The following RELN variants were observed in gnomAD, a reference collection of about 807,000 sequenced individuals.
RELN encodes the protein reelin.
Under a neutral mutation model 427.6 loss-of-function variants are expected in RELN, and 108 were observed. The observed-to-expected ratio is 0.25, with a 90% CI of 0.22 to 0.30. The LOEUF (loss-of-function observed/expected upper bound fraction) is 0.30, where lower values mean the gene tolerates loss of function less well. Among genes scored for constraint, RELN ranks in the 10% least tolerant of loss-of-function variants. The pLI, the probability that RELN is intolerant of heterozygous loss-of-function variation, is 1.00. For synonymous variants in RELN, 1,524 were observed against 1,513.4 expected, an observed-to-expected ratio of 1.01 and a Z score of -0.16; for missense variants, 3,715 against 4,302.8, an observed-to-expected ratio of 0.86 and a Z score of 3.82.
intron 9 of RELN, among the ~76,000 whole-genome samples, chr7:103,700,373 T>A (rs1050613322): frequency 6.6e-6 from 1 of 152,156 alleles, no homozygotes; most frequent in Non-Finnish European, 1.5e-5. Context: ...TGAGGGATAT[T>A]TTTTAATAAA....
At chr7:103,845,473 A>G (rs1418927679) in intron 2 of RELN, among the ~76,000 whole-genome samples, 1 of 152,186 alleles carries the variant, frequency 6.6e-6, no homozygotes. Flanking sequence ...GAGCCAAGGC[A>G]CCCGACCCAC....
Position 103,780,168 on chromosome 7 carries a change from C to T in RELN, c.474-3541G>A, listed in dbSNP as rs553751005. Among the ~76,000 whole-genome samples the T allele has an allele frequency of 1.1e-4, 17 of 152,340 alleles. No homozygotes were observed. The South Asian group carries it at 3.5e-3, about 32-fold the overall frequency. On this transcript the variant is annotated intron_variant, in intron 3 of 64. Coordinates refer to ENST00000428762, the MANE Select transcript of RELN (RefSeq NM_005045.4). Reference sequence around the variant, plus strand: ...AACTCTGGCCTCTTGGCCAGCAACTCCTTGCACTTTGTCTTTGAAAATACC... The same window carrying T: ...AACTCTGGCCTCTTGGCCAGCAACTTCTTGCACTTTGTCTTTGAAAATACC...
chr7:103,603,589 G>C lies in RELN; in HGVS notation c.3147-99C>G. On this transcript the variant is annotated intron_variant, in intron 23 of 64. Transcript: ENST00000428762. This position sits in a 1 kb window ranked among gnomAD's most constrained non-coding sequence, Gnocchi z 4.3. The stretch of plus-strand genomic sequence containing the variant: ...TTTCCCATGTCTTACTTTTGCTCAG[G>C]TCTTATCATTCACACTAGATTCTTC... 1 of 921,414 alleles carries C rather than the reference G, an allele frequency of 1.1e-6. No individual in the cohort carries two copies. The highest frequency in any genetic ancestry group is 1.8e-6 in the Non-Finnish European group (1 of 560,786). The allele number at this position is 921,414 out of a possible 1,614,324, so 57.1% of individuals were successfully genotyped here. A position where few individuals can be genotyped will look rare whatever the true frequency, so the allele number is the denominator to read the frequency against.
rs1246751632 is a variant in RELN, at chr7:103,523,445, T to C, written c.7436A>G (p.Asp2479Gly). The change falls in exon 47 of 65, where the codon GAT (aspartate) becomes GGT (glycine). Residue 2479 changes from aspartate (D) to glycine (G), a missense_variant. This residue lies in a region of RELN where 1,310 missense variants were observed against 1,643.0 expected (regional missense o/e 0.80). Coordinates refer to ENST00000428762, the MANE Select transcript of RELN (RefSeq NM_005045.4). The part of the protein sequence containing the change: ...TWAIDNVYIG[D>G]GCIDMCSGHG... ...GCCACTGCACATGTCTATGCAGCCA[T>C]CCCCGATATAGACATTATCTATTGC... The C allele has an allele frequency of 1.9e-6, 3 of 1,613,930 alleles. No homozygotes were observed. The highest frequency in any genetic ancestry group is 2.7e-5 in the African/African-American group (2 of 74,874).
chr7:103,912,155 T>C (rs944882075), intron 2 of RELN, among the ~76,000 whole-genome samples: 10 of 148,900 alleles, frequency 6.7e-5, no homozygotes, highest in Admixed American at 6.0e-4. Flanking sequence ...ACCTGTTCAC[T>C]ACATTCCCCC....
intron 2 of RELN, among the ~76,000 whole-genome samples, chr7:103,909,245 C>T (rs1044177716): frequency 1.3e-5 from 2 of 152,002 alleles, no homozygotes; most frequent in Non-Finnish European, 2.9e-5. Flanking sequence ...GGAGTATGGG[C>T]CTTGGCGATA....
chr7:103,652,301 C>T (rs889998108), intron 14 of RELN, among the ~76,000 whole-genome samples: 3 of 150,762 alleles, frequency 2.0e-5, no homozygotes, highest in Non-Finnish European at 4.4e-5. Flanking sequence ...ATGGTTGCCA[C>T]AGCACATGCA....
At chr7:103,790,099 C>T (rs1468342273) in intron 3 of RELN, among the ~76,000 whole-genome samples, 1 of 152,164 alleles carries the variant, frequency 6.6e-6, no homozygotes, top group African/African-American at 2.4e-5. Flanking sequence ...AAACCAAATA[C>T]TGCAGGTTCT....
At chr7:103,683,665 A>C (rs569531208) in intron 10 of RELN, among the ~76,000 whole-genome samples, 112 of 152,272 alleles carry the variant, frequency 7.4e-4, no homozygotes, top group African/African-American at 2.6e-3. Context: ...TAGCATATAA[A>C]ATTATGTATG....
intron 6 of RELN, among the ~76,000 whole-genome samples, chr7:103,729,103 T>C (rs1216791049): frequency 6.6e-6 from 1 of 152,170 alleles, no homozygotes; most frequent in Non-Finnish European, 1.5e-5. Context: ...CAACCTACAA[T>C]CATTACATTC....
chr7:103,557,790 T>C (rs1383316905), intron 37 of RELN, among the ~76,000 whole-genome samples, 175 bp downstream of exon 37: 1 of 152,214 alleles, frequency 6.6e-6, no homozygotes, highest in African/African-American at 2.4e-5. Flanking sequence ...TTCTTGCCCT[T>C]ATATTAAGAT....
rs10487162 is a variant in RELN at position 103,626,002 on chromosome 7, T to G, written c.2702+3938A>C. ...TTGGAGTAAGGGTTAGGGATGGCAC[T>G]AGCTCATGAATGGGATGAAAGACAA... On this transcript the variant is annotated intron_variant, in intron 20 of 64. Coordinates refer to ENST00000428762, the MANE Select transcript of RELN (RefSeq NM_005045.4). The surrounding 1 kb of genome is among the most constrained non-coding windows in gnomAD (Gnocchi z 4.4). Among the ~76,000 whole-genome samples, 36,030 of 151,814 alleles carry G rather than the reference T, an allele frequency of 0.24. 5,402 individuals carry two copies. The highest frequency in any genetic ancestry group is 0.38 in the South Asian group (1,804 of 4,790).
intron 3 of RELN, among the ~76,000 whole-genome samples, chr7:103,799,168 A>G (rs1346130162): frequency 6.6e-6 from 1 of 152,184 alleles, no homozygotes; most frequent in Non-Finnish European, 1.5e-5. Flanking sequence ...AAAATTATCT[A>G]TATTAAGTAA....
intron 46 of RELN, among the ~76,000 whole-genome samples, chr7:103,531,838 C>T (rs926287014): frequency 1.3e-5 from 2 of 152,080 alleles, no homozygotes; most frequent in Non-Finnish European, 2.9e-5. Context: ...ATGCGTTTAC[C>T]CTGTTGGTGG....
chr7:103,970,095 T>C (rs1796733889), intron 1 of RELN, among the ~76,000 whole-genome samples: 1 of 152,150 alleles, frequency 6.6e-6, no homozygotes, highest in Non-Finnish European at 1.5e-5. Context: ...GGCTGCCTTC[T>C]TCTTTCAGAT....
chr7:103,547,481 G>A (rs975102098), intron 41 of RELN, among the ~76,000 whole-genome samples: 3 of 152,134 alleles, frequency 2.0e-5, no homozygotes, highest in African/African-American at 7.2e-5. Context: ...ATTTTTAATA[G>A]AGATAGGGTT....
At chr7:103,661,779 C>T (rs930039388) in intron 11 of RELN, among the ~76,000 whole-genome samples, 28 of 152,200 alleles carry the variant, frequency 1.8e-4, no homozygotes, top group African/African-American at 5.1e-4. Flanking sequence ...ATCTTGTATA[C>T]GGTGTGTCTA....
chr7:103,645,014 G>A (rs1449771858), intron 16 of RELN, among the ~76,000 whole-genome samples: 2 of 151,632 alleles, frequency 1.3e-5, no homozygotes, highest in African/African-American at 4.8e-5. Context: ...CAGGAATTTT[G>A]TATTCTATTA....
At chr7:103,751,517 A>G (rs1791000824) in intron 5 of RELN, among the ~76,000 whole-genome samples, 1 of 152,238 alleles carries the variant, frequency 6.6e-6, no homozygotes, top group Admixed American at 6.5e-5. Context: ...CAGGGAGAAT[A>G]TGGATATACA....
Sources: gnomAD v4.1 joint callset for allele counts (sites outside exome capture counted in the v4.1 genomes callset) on GRCh38, gnomAD v4.1.1 for gene constraint, gnomAD v4.1.1 regional missense constraint, Gnocchi (gnomAD v3.1) non-coding constraint, MANE v1.5 for transcripts, NCBI Gene and HGNC (gene_info 2026-07-23, HGNC 2026-07-21) for gene names.